The following SHISA6 variants were observed in gnomAD, a reference collection of about 807,000 sequenced individuals.
SHISA6 encodes the protein shisa family member 6, also known as protein shisa-6.
A neutral mutation model predicts 47.9 loss-of-function variants in SHISA6; 22 were observed. That is an observed-to-expected ratio of 0.46 (90% CI 0.33 to 0.66). The LOEUF (loss-of-function observed/expected upper bound fraction) is 0.66, where lower values mean the gene tolerates loss of function less well. Among genes scored for constraint, SHISA6 ranks in the 30% least tolerant of loss-of-function variants. The pLI is 0.02. For missense variants in SHISA6, 680 were observed against 764.6 expected (o/e 0.89, Z 1.30); for synonymous variants, 388 against 337.8 (o/e 1.15, Z -1.63).
At chr17:11,251,347 T>C (rs777175858) in intron 1 of SHISA6, among the ~76,000 whole-genome samples, 4 of 151,864 alleles carry the variant, frequency 2.6e-5, no homozygotes, top group Non-Finnish European at 4.4e-5. Context: ...TTCAGGAATA[T>C]ATGATATTGG....
intron 3 of SHISA6, among the ~76,000 whole-genome samples, chr17:11,487,049 C>T (rs973621854): frequency 5.9e-5 from 9 of 152,204 alleles, no homozygotes; most frequent in African/African-American, 2.2e-4. Context: ...AAAGTTGAAT[C>T]GTTGCAGCAG....
chr17:11,355,045 A>G (rs369995058), intron 2 of SHISA6, among the ~76,000 whole-genome samples: 9 of 152,238 alleles, frequency 5.9e-5, no homozygotes, highest in Admixed American at 6.5e-5. Context: ...AATGCAGGTA[A>G]TTACTGGAGG....
intron 4 of SHISA6, 28 bp from the exon 5 acceptor site, chr17:11,555,712 T>C (rs752908381): frequency 2.0e-6 from 3 of 1,508,660 alleles, no homozygotes; most frequent in Non-Finnish European, 2.7e-6. Flanking sequence ...TCCTCATTAA[T>C]ACAAAACACC....
chr17:11,339,428 C>CA (rs1289742732), intron 2 of SHISA6, among the ~76,000 whole-genome samples: 1 of 151,414 alleles, frequency 6.6e-6, no homozygotes, highest in African/African-American at 2.4e-5. Flanking sequence ...TTCACTACAC[C>CA]CCCCCTCCTT....
At chr17:11,274,951 G>C (rs4792115) in intron 2 of SHISA6, among the ~76,000 whole-genome samples, 1 of 151,868 alleles carries the variant, frequency 6.6e-6, no homozygotes, top group Admixed American at 6.5e-5. Context: ...GATGGAAAAC[G>C]GGGGTCCACA....
At position 11,557,737 on chromosome 17, in the gene SHISA6, C is replaced by G; in HGVS notation, c.1106-17C>G. On this transcript the variant is annotated splice_polypyrimidine_tract_variant and intron_variant, in intron 5 of 5. Transcript: ENST00000441885. ...GTCACCCCAGTTGCCTTCTCTCACT[C>G]TGTCTCTCCCCTGCAGCCGACAAGG... 1 of 1,520,178 alleles carries G rather than the reference C, an allele frequency of 6.6e-7. No homozygotes were observed. The highest frequency in any genetic ancestry group is 1.3e-5 in the South Asian group (1 of 78,208). The allele number at this position is 1,520,178 out of a possible 1,614,324, so 94.2% of individuals were successfully genotyped here.
chr17:11,425,744 G>A (rs1914593719), intron 3 of SHISA6, among the ~76,000 whole-genome samples: 1 of 152,138 alleles, frequency 6.6e-6, no homozygotes, highest in Non-Finnish European at 1.5e-5. Context: ...AGTTACATTG[G>A]CTTTCTTCGC....
At chr17:11,317,313 C>A (rs1910556269) in intron 2 of SHISA6, among the ~76,000 whole-genome samples, 1 of 151,304 alleles carries the variant, frequency 6.6e-6, no homozygotes, top group East Asian at 1.9e-4. Flanking sequence ...ATTGCTATTA[C>A]TTTGGTTTAT....
intron 1 of SHISA6, among the ~76,000 whole-genome samples, chr17:11,253,375 A>G (rs1306456703): frequency 6.6e-6 from 1 of 151,916 alleles, no homozygotes; most frequent in Admixed American, 6.6e-5. Context: ...CTCAAACAAG[A>G]CTGCAGAGAT....
chr17:11,293,711 C>T (rs1909633528), intron 2 of SHISA6, among the ~76,000 whole-genome samples: 2 of 152,128 alleles, frequency 1.3e-5, no homozygotes, highest in African/African-American at 4.8e-5. Flanking sequence ...TCTGCTGCAT[C>T]TGGCCTCAGC....
At position 11,241,569 on chromosome 17, in the gene SHISA6, C is replaced by T; in HGVS notation, c.147C>T (p.Gly49=). The T allele has an allele frequency of 9.1e-7, 1 of 1,102,034 alleles. No individual in the cohort carries two copies. The allele number at this position is 1,102,034 out of a possible 1,614,324, so 68.3% of individuals were successfully genotyped here. ...CCGTCGGGGGCCGGAGGGCCGGGGG[C>T]GCCCTGGCACGGGGCGGCCGCGAGC... is the stretch of plus-strand genomic sequence containing the variant. ...GAAVGGRRAG[G]ALARGGRELN... Residue 49 remains glycine (G), a synonymous_variant, in exon 1 of 6, where the codon GGC becomes GGT. Transcript: ENST00000441885. The surrounding 1 kb of genome is among the most constrained non-coding windows in gnomAD (Gnocchi z 5.5).
intron 2 of SHISA6, among the ~76,000 whole-genome samples, chr17:11,374,511 T>C (rs900684755): frequency 2.1e-5 from 3 of 142,942 alleles, no homozygotes; most frequent in Non-Finnish European, 4.4e-5. Context: ...GATTTCTGTG[T>C]ATGTGTTTTT....
At chr17:11,343,806 G>A (rs894838968) in intron 2 of SHISA6, among the ~76,000 whole-genome samples, 1 of 152,212 alleles carries the variant, frequency 6.6e-6, no homozygotes, top group African/African-American at 2.4e-5. Flanking sequence ...AGGACAAGAG[G>A]ATGTGAGATG....
intron 3 of SHISA6, among the ~76,000 whole-genome samples, chr17:11,435,970 A>C (rs1043475144): frequency 5.9e-5 from 9 of 152,172 alleles, no homozygotes; most frequent in Admixed American, 5.9e-4. Flanking sequence ...TCCCTCAAAA[A>C]CCAAACTGTG....
At chr17:11,348,699 C>T (rs1054255491) in intron 2 of SHISA6, among the ~76,000 whole-genome samples, 26 of 152,030 alleles carry the variant, frequency 1.7e-4, no homozygotes, top group African/African-American at 6.3e-4. Context: ...TCTTTTCCTT[C>T]ATAAGAAACA....
intron 3 of SHISA6, among the ~76,000 whole-genome samples, chr17:11,496,443 C>T (rs116746029): frequency 0.01 from 1,538 of 152,246 alleles, 38 homozygotes; most frequent in African/African-American, 0.031. Context: ...AGGCATAGAA[C>T]GGGATAGAAG....
intron 1 of SHISA6, among the ~76,000 whole-genome samples, chr17:11,242,442 C>T (rs1262143212): frequency 6.6e-6 from 1 of 152,170 alleles, no homozygotes; most frequent in African/African-American, 2.4e-5. Flanking sequence ...ATCAGAGTGT[C>T]ATCTTCAATA....
intron 3 of SHISA6, among the ~76,000 whole-genome samples, chr17:11,422,301 GGCAAGAGGGATGCACAGGGAGGT>G (rs1391351604): frequency 6.6e-6 from 1 of 152,150 alleles, no homozygotes; most frequent in East Asian, 1.9e-4. Flanking sequence ...AAAAATGAGA[GGCAAGAGGGATGCACAGGGAGGT>G]GCAAGACCAT....
chr17:11,244,704 G>A (rs1207592662), intron 1 of SHISA6, among the ~76,000 whole-genome samples: 1 of 152,168 alleles, frequency 6.6e-6, no homozygotes, highest in Non-Finnish European at 1.5e-5. Flanking sequence ...GAGAAAGAAT[G>A]TACACTCTCG....
Sources: gnomAD v4.1 joint callset for allele counts (sites outside exome capture counted in the v4.1 genomes callset) on GRCh38, gnomAD v4.1.1 for gene constraint, Gnocchi (gnomAD v3.1) non-coding constraint, MANE v1.5 for transcripts, NCBI Gene and HGNC (gene_info 2026-07-23, HGNC 2026-07-21) for gene names.